ANTXR2: variants seen among roughly 807,000 people sequenced by gnomAD.
ANTXR2 encodes ANTXR cell adhesion molecule 2.
In ANTXR2, 44 loss-of-function variants were observed where a neutral mutation model predicts 73.7. That is an observed-to-expected ratio of 0.60 (90% CI 0.47 to 0.77). The LOEUF (loss-of-function observed/expected upper bound fraction) is 0.77. Among genes scored for constraint, ANTXR2 ranks in the 30% least tolerant of loss-of-function variants. The probability of loss-of-function intolerance (pLI) is 0.00; values close to 1 mark genes in which losing one functional copy is unlikely to be tolerated. For synonymous variants in ANTXR2, 217 were observed against 205.9 expected (o/e 1.05, Z -0.46); for missense variants, 604 against 592.5 (o/e 1.02, Z -0.20).
intron 10 of ANTXR2, among the ~76,000 whole-genome samples, chr4:80,020,747 G>GT: frequency 6.6e-6 from 1 of 152,148 alleles, no homozygotes; most frequent in Non-Finnish European, 1.5e-5. Flanking sequence ...ATTCATACAA[G>GT]AAAGCTACTG....
At chr4:79,998,631 A>C (rs374336416) in intron 12 of ANTXR2, among the ~76,000 whole-genome samples, 1 of 152,054 alleles carries the variant, frequency 6.6e-6, no homozygotes, top group Non-Finnish European at 1.5e-5. Flanking sequence ...AAACAGGATA[A>C]GTTTTGTTTT....
intron 16 of ANTXR2, among the ~76,000 whole-genome samples, chr4:79,937,313 GAGC>G (rs1728305533): frequency 2.0e-5 from 3 of 152,064 alleles, no homozygotes; most frequent in South Asian, 2.1e-4. Context: ...GCACAAAATT[GAGC>G]AGAAGAAAAA....
intron 16 of ANTXR2, among the ~76,000 whole-genome samples, chr4:79,976,792 C>T (rs1056080194): frequency 6.6e-6 from 1 of 152,176 alleles, no homozygotes; most frequent in African/African-American, 2.4e-5. Flanking sequence ...GGGAGCCTTC[C>T]TGCCCTGCAT....
chr4:80,043,352 T>A (rs1199640457), intron 7 of ANTXR2, among the ~76,000 whole-genome samples: 12 of 151,992 alleles, frequency 7.9e-5, no homozygotes, highest in Non-Finnish European at 1.5e-5. Context: ...ACTGAAACCT[T>A]CTCTCCTACT....
chr4:79,977,465 T>TA (rs1292048288), intron 16 of ANTXR2, 156 bp downstream of exon 16: 1 of 1,394,092 alleles, frequency 7.2e-7, no homozygotes, highest in African/African-American at 1.5e-5. Context: ...AATAGGTAAT[T>TA]TATAGACAAT....
At chr4:80,012,716 A>G (rs1387884183) in intron 11 of ANTXR2, among the ~76,000 whole-genome samples, 3 of 152,192 alleles carry the variant, frequency 2.0e-5, no homozygotes, top group African/African-American at 7.2e-5. Context: ...GGCAAGTAAC[A>G]ACCTTTCAGA....
intron 7 of ANTXR2, among the ~76,000 whole-genome samples, chr4:80,040,436 T>C (rs1173021742): frequency 6.6e-6 from 1 of 152,114 alleles, no homozygotes; most frequent in Non-Finnish European, 1.5e-5. Context: ...TTGGATCAGG[T>C]GTCCCATCCA....
At chr4:79,986,231 T>C (rs554597432) in intron 12 of ANTXR2, among the ~76,000 whole-genome samples, 1 of 152,318 alleles carries the variant, frequency 6.6e-6, no homozygotes, top group East Asian at 1.9e-4. Context: ...TGGCTTCAGC[T>C]ACTTCAGGTA....
intron 16 of ANTXR2, among the ~76,000 whole-genome samples, chr4:79,945,134 A>C (rs1196429729): frequency 6.6e-6 from 1 of 152,076 alleles, no homozygotes; most frequent in African/African-American, 2.4e-5. Flanking sequence ...TTCTTATATA[A>C]AAAATTGTTC....
chr4:80,067,323 C>A lies in ANTXR2; in HGVS notation c.296+2113G>T, dbSNP rs548875151. Among the ~76,000 whole-genome samples the A allele has an allele frequency of 3.3e-5, 5 of 152,192 alleles. No homozygotes were observed. The South Asian group carries it at 1.0e-3, about 31-fold the overall frequency. ...CTAACGTGGGTTAAAGATTTAAACC[C>A]CTTCCATGCGTATCTAAGCAATACC... is the stretch of plus-strand genomic sequence containing the variant. On this transcript the variant is annotated intron_variant, in intron 3 of 16. Transcript: ENST00000403729.
At chr4:80,016,851 T>A (rs1283710087) in intron 11 of ANTXR2, among the ~76,000 whole-genome samples, 1 of 152,234 alleles carries the variant, frequency 6.6e-6, no homozygotes. Context: ...AGGCATCCCA[T>A]AAACTTCCCC....
At chr4:79,927,783 A>C (rs1467383129) in intron 16 of ANTXR2, among the ~76,000 whole-genome samples, 1 of 152,202 alleles carries the variant, frequency 6.6e-6, no homozygotes, top group East Asian at 1.9e-4. Context: ...AGAAGCTGAA[A>C]AGAACTGCCA....
At chr4:79,993,374 G>A (rs1730562924) in intron 12 of ANTXR2, among the ~76,000 whole-genome samples, 1 of 151,234 alleles carries the variant, frequency 6.6e-6, no homozygotes, top group South Asian at 2.1e-4. Flanking sequence ...AAGGAGGAAG[G>A]GAAGGAAGGA....
chr4:80,005,805 A>G (rs1048904224), intron 12 of ANTXR2, among the ~76,000 whole-genome samples: 1 of 152,090 alleles, frequency 6.6e-6, no homozygotes, highest in Non-Finnish European at 1.5e-5. Context: ...CTTTAGCACT[A>G]CTGTGAAGCC....
intron 16 of ANTXR2, among the ~76,000 whole-genome samples, chr4:79,954,482 C>G (rs1728818305): frequency 1.3e-5 from 2 of 152,110 alleles, no homozygotes; most frequent in South Asian, 4.1e-4. Flanking sequence ...CAGTGACAGG[C>G]ATCTGTAGTT....
chr4:80,069,441 T>C lies in ANTXR2; in HGVS notation c.291A>G (p.Gly97=), dbSNP rs768574744. The change falls in exon 3 of 17, where the codon GGA becomes GGG. Residue 97 remains glycine (G), a synonymous_variant. Transcript: ENST00000403729. The part of the protein sequence containing the change: ...SQATIILPLT[G]DRGKISKGLE... ...TGAAATGATAATGCACTAACCTGTC[T>C]CCAGTTAATGGCAAAATAATAGTTG... 5 of 1,592,532 alleles carry C rather than the reference T, an allele frequency of 3.1e-6. 1 individual carries two copies. The South Asian group carries it at 5.6e-5, about 18-fold the overall frequency.
intron 12 of ANTXR2, among the ~76,000 whole-genome samples, chr4:79,990,282 C>A (rs75314512): frequency 0.085 from 12,650 of 148,994 alleles, 646 homozygotes; most frequent in Middle Eastern, 0.24. Flanking sequence ...ACTTCATTAA[C>A]CTTTCAGAAT....
At chr4:79,928,218 A>C (rs1004600132) in intron 16 of ANTXR2, among the ~76,000 whole-genome samples, 1 of 152,234 alleles carries the variant, frequency 6.6e-6, no homozygotes, top group African/African-American at 2.4e-5. Context: ...AACATGAATG[A>C]ACCATAAGGC....
intron 16 of ANTXR2, among the ~76,000 whole-genome samples, chr4:79,956,141 T>C (rs1475255023): frequency 6.6e-6 from 1 of 152,208 alleles, no homozygotes; most frequent in African/African-American, 2.4e-5. Context: ...GTAGAATTTA[T>C]TGCCACTTCT....
Sources: gnomAD v4.1 joint callset for allele counts (sites outside exome capture counted in the v4.1 genomes callset) on GRCh38, gnomAD v4.1.1 for gene constraint, MANE v1.5 for transcripts, NCBI Gene and HGNC (gene_info 2026-07-23, HGNC 2026-07-21) for gene names.